The following NDE1 variants were observed in gnomAD, a reference collection of about 807,000 sequenced individuals.
The protein encoded by NDE1 is nuclear distribution protein nudE homolog 1.
NDE1 carries 28 observed loss-of-function variants against 43.4 expected under a neutral mutation model. The observed-to-expected ratio is 0.65, with a 90% CI of 0.48 to 0.89. NDE1 has a LOEUF of 0.89. NDE1 is among the 40% of genes least tolerant of loss of function. The pLI, the probability that NDE1 is intolerant of heterozygous loss-of-function variation, is 0.00. For synonymous variants in NDE1, 184 were observed against 172.0 expected (o/e 1.07, Z -0.55); for missense variants, 441 against 434.1 (o/e 1.02, Z -0.14).
chr16:15,647,050 G>T (rs145646940), upstream of NDE1, among the ~76,000 whole-genome samples: 2 of 152,114 alleles, frequency 1.3e-5, no homozygotes, highest in Non-Finnish European at 1.5e-5. Flanking sequence ...ACTCTGTCTC[G>T]AAATAAAATA....
At chr16:15,681,528 T>C (rs749838739) in intron 4 of NDE1, among the ~76,000 whole-genome samples, 3 of 152,118 alleles carry the variant, frequency 2.0e-5, no homozygotes, top group Non-Finnish European at 4.4e-5. Flanking sequence ...CCCAAAGTGC[T>C]GGGATTATAG....
At chr16:15,695,055 C>A in intron 7 of NDE1, 1 of 281,654 alleles carries the variant, frequency 3.6e-6, no homozygotes, top group Non-Finnish European at 5.4e-6. Flanking sequence ...TGATGGTGTA[C>A]ACTGGTGGTC....
intron 8 of NDE1, chr16:15,720,439 A>G: frequency 1.5e-6 from 2 of 1,310,238 alleles, no homozygotes; most frequent in South Asian, 1.3e-5. Context: ...TCTCATCCCC[A>G]GTTGCAGATG....
intron 1 of NDE1, among the ~76,000 whole-genome samples, chr16:15,656,865 A>G (rs973766251): frequency 6.6e-6 from 1 of 152,012 alleles, no homozygotes; most frequent in South Asian, 2.1e-4. Flanking sequence ...AAGGAAGAGA[A>G]AGAAGGCAGT....
In NDE1 at chr16:15,726,267, CTCT is replaced by C. The variant is rs2040752297; in HGVS notation, c.*2022_*2024del. On this transcript the variant is annotated 3_prime_UTR_variant, in exon 9 of 9. Transcript: ENST00000396354. Reference sequence around the variant, plus strand: ...AGTCCTACTGGGGCAGCGACAGTGTCTCTTCTTCCTTGCTGTTGGATCTCAGGA... The same window carrying C: ...AGTCCTACTGGGGCAGCGACAGTGTCTCTTCCTTGCTGTTGGATCTCAGGA... The C allele has an allele frequency of 6.4e-6, 1 of 156,124 alleles. No homozygotes were observed. The highest frequency in any genetic ancestry group is 1.9e-4 in the East Asian group (1 of 5,316). The allele number at this position is 156,124 out of a possible 1,614,324, so 9.7% of individuals were successfully genotyped here.
chr16:15,687,242 C>A, intron 4 of NDE1, 133 bp from the exon 5 acceptor site: 2 of 1,572,508 alleles, frequency 1.3e-6, no homozygotes, highest in East Asian at 4.6e-5. Flanking sequence ...TTGGCCCACT[C>A]TGTGGCATCT....
intron 8 of NDE1, among the ~76,000 whole-genome samples, chr16:15,711,591 G>A (rs542165886): frequency 6.6e-6 from 1 of 152,224 alleles, no homozygotes; most frequent in African/African-American, 2.4e-5. Flanking sequence ...ATTAAAGGTA[G>A]TAAGAGGCTC....
intron 6 of NDE1, among the ~76,000 whole-genome samples, chr16:15,692,301 C>CCAGG (rs2038793274): frequency 6.6e-6 from 1 of 152,140 alleles, no homozygotes; most frequent in African/African-American, 2.4e-5. Context: ...GGATTCAGAC[C>CCAGG]CAGGCAGGCA....
At chr16:15,662,788 A>G (rs890137974) in intron 1 of NDE1, among the ~76,000 whole-genome samples, 1 of 152,112 alleles carries the variant, frequency 6.6e-6, no homozygotes, top group African/African-American at 2.4e-5. Context: ...CATGTTACCC[A>G]GGCTGGTCTC....
At chr16:15,720,041 C>T in intron 8 of NDE1, 1 of 1,444,040 alleles carries the variant, frequency 6.9e-7, no homozygotes, top group Non-Finnish European at 9.7e-7. Flanking sequence ...TGAACCCACA[C>T]CAATGGCAGG....
chr16:15,694,179 A>C lies in NDE1; in HGVS notation c.718A>C (p.Thr240Pro). ...TGCACACCCAGGCCTGGACGACTCC[A>C]CCGGGGGGACCCCCCTCACACCTGC... ...GSFRRGLDDS[T>P]GGTPLTPAAR... Residue 240 changes from threonine to proline, a missense_variant, in exon 7 of 9, where the codon ACC becomes CCC. By Grantham distance (38) the Thr-to-Pro change is conservative. Transcript: ENST00000396354. 1 of 1,612,850 alleles carries C rather than the reference A, an allele frequency of 6.2e-7. No homozygotes were observed. The highest frequency in any genetic ancestry group is 8.5e-7 in the Non-Finnish European group (1 of 1,179,992).
chr16:15,704,144 CATT>C, intron 8 of NDE1: 2 of 1,613,386 alleles, frequency 1.2e-6, no homozygotes, highest in Non-Finnish European at 1.7e-6. Flanking sequence ...TAAGAAAACA[CATT>C]ATTTAGCAAA....
intron 8 of NDE1, chr16:15,721,753 T>G (rs934957574): frequency 9.6e-7 from 1 of 1,039,680 alleles, no homozygotes; most frequent in Non-Finnish European, 1.5e-6. Context: ...GTGTAAGCAG[T>G]GTAGGTTAGC....
intron 4 of NDE1, 136 bp from the exon 5 acceptor site, chr16:15,687,239 A>T: frequency 6.4e-7 from 1 of 1,568,390 alleles, no homozygotes; most frequent in South Asian, 1.1e-5. Flanking sequence ...GACTTGGCCC[A>T]CTCTGTGGCA....
intron 8 of NDE1, chr16:15,714,055 G>A (rs1449761771): frequency 6.6e-6 from 1 of 152,582 alleles, no homozygotes; most frequent in East Asian, 1.9e-4. Flanking sequence ...CACCCAGAGG[G>A]TCAAGGAACC....
chr16:15,703,776 T>A (rs897005342), intron 8 of NDE1: 6 of 635,326 alleles, frequency 9.4e-6, no homozygotes, highest in African/African-American at 7.4e-5. Flanking sequence ...CTTGTATAGA[T>A]GAGGTTTTAC....
At chr16:15,686,182 C>T (rs957467920) in intron 4 of NDE1, among the ~76,000 whole-genome samples, 6 of 152,098 alleles carry the variant, frequency 3.9e-5, no homozygotes, top group Admixed American at 3.9e-4. Flanking sequence ...GAACTCCTGA[C>T]CTCAAGTGAT....
chr16:15,708,368 G>C (rs1056109671), intron 8 of NDE1, among the ~76,000 whole-genome samples: 1 of 152,176 alleles, frequency 6.6e-6, no homozygotes, highest in Non-Finnish European at 1.5e-5. Context: ...ACGTTCTCCA[G>C]GAATGTGCCC....
chr16:15,714,750 C>T (rs377324458), intron 8 of NDE1: 2 of 947,478 alleles, frequency 2.1e-6, no homozygotes, highest in Admixed American at 1.9e-5. Context: ...AGTGCCTGGC[C>T]CACACTAAGC....
Sources: allele counts gnomAD v4.1 joint callset (sites outside exome capture counted in the v4.1 genomes callset), GRCh38; gene constraint gnomAD v4.1.1; transcripts MANE v1.5; gene names NCBI Gene and HGNC (gene_info 2026-07-23, HGNC 2026-07-21).